Variants in FAM20C observed in about 807,000 individuals in gnomAD.
The protein encoded by FAM20C is extracellular serine/threonine protein kinase FAM20C.
In FAM20C, 40 loss-of-function variants were observed where a neutral mutation model predicts 51.5. The ratio of observed to expected loss-of-function variants is 0.78; its 90% CI spans 0.60 to 1.01. The LOEUF (loss-of-function observed/expected upper bound fraction) is 1.01, where lower values mean the gene tolerates loss of function less well. FAM20C is among the 50% of genes least tolerant of loss of function. The pLI is 0.00. For missense variants in FAM20C, 861 were observed against 844.7 expected, an observed-to-expected ratio of 1.02 and a Z score of -0.24; for synonymous variants, 406 against 380.6, an observed-to-expected ratio of 1.07 and a Z score of -0.78.
rs944479686 is a variant in FAM20C at position 234,782 on chromosome 7, G to C, written c.864-11633G>C. Among the ~76,000 whole-genome samples, 943 of 152,282 alleles carry C rather than the reference G, an allele frequency of 6.2e-3. 15 individuals are homozygous for C. Among genetic ancestry groups the C allele is most frequent in the African/African-American group, 0.021 (893 of 41,544 alleles). On this transcript the variant is annotated intron_variant, in intron 3 of 9. Coordinates refer to ENST00000313766, the MANE Select transcript of FAM20C (RefSeq NM_020223.4). ...CAGAGTCACGTGGAAGGTTTGGGAC[G>C]GACAGCCCCAGCCCAGGCCCTCCCT... is the stretch of plus-strand genomic sequence containing the variant.
rs150635519 is a variant in FAM20C at position 256,850 on chromosome 7, G to A, written c.1363+87G>A. On this transcript the variant is annotated intron_variant, in intron 7 of 9. Coordinates refer to ENST00000313766, the MANE Select transcript of FAM20C (RefSeq NM_020223.4). ...AGGGCTCTGCAGGGCACACTCCGTGGCACGGCCCGGCTGCGGTCCTGTGGC... is the reference window on the plus strand; with the variant it reads ...AGGGCTCTGCAGGGCACACTCCGTGACACGGCCCGGCTGCGGTCCTGTGGC... 1.5e-3 allele frequency: 2,115 copies of A among 1,440,810 alleles called. 18 individuals carry two copies. The African/African-American group carries it at 0.023, about 16-fold the overall frequency. 89.3% of individuals were successfully genotyped at this position (1,440,810 alleles called of 1,614,324 possible).
chr7:199,390 G>A (rs779659160), intron 2 of FAM20C, among the ~76,000 whole-genome samples: 8 of 152,248 alleles, frequency 5.3e-5, no homozygotes, highest in Non-Finnish European at 1.0e-4. Flanking sequence ...GCTCCACAGC[G>A]AGGGAAACCA....
chr7:215,275 TGG>T (rs1156618102), intron 3 of FAM20C, among the ~76,000 whole-genome samples: 390 of 37,372 alleles, frequency 0.01, 10 homozygotes, highest in African/African-American at 0.034. Flanking sequence ...TGGAGCTGGG[TGG>T]GGGGAGCAGG....
chr7:228,485 T>C (rs1304180406), intron 3 of FAM20C: 1 of 455,914 alleles, frequency 2.2e-6, no homozygotes, highest in Admixed American at 2.4e-5. Context: ...ACAAGCCAGG[T>C]CCGTGTCCCT....
At chr7:223,798 A>C (rs1430245028) in intron 3 of FAM20C, among the ~76,000 whole-genome samples, 1 of 152,222 alleles carries the variant, frequency 6.6e-6, no homozygotes, top group Non-Finnish European at 1.5e-5. Flanking sequence ...TAGTCAGAAG[A>C]AAAATGAACT....
intron 4 of FAM20C, among the ~76,000 whole-genome samples, chr7:247,828 G>T (rs960649700): frequency 6.6e-6 from 1 of 152,150 alleles, no homozygotes; most frequent in African/African-American, 2.4e-5. Flanking sequence ...CTTGGGTCCC[G>T]GGTCGGCCCT....
In FAM20C at chr7:249,744, A is replaced by G. The variant is rs554663618; in HGVS notation, c.1072+1314A>G. 2.6e-5 allele frequency among the ~76,000 whole-genome samples: 4 copies of G among 152,284 alleles called. No homozygotes were observed. The East Asian group carries it at 5.8e-4, about 22-fold the overall frequency. Reference sequence around the variant, plus strand: ...AACAGAGTGAGACCCTGTCTCAAAAAAAAAGAAAAGAAAAGAAACTGGCAT... The same window carrying G: ...AACAGAGTGAGACCCTGTCTCAAAAGAAAAGAAAAGAAAAGAAACTGGCAT... On this transcript the variant is annotated intron_variant, in intron 5 of 9. Coordinates refer to ENST00000313766, the MANE Select transcript of FAM20C (RefSeq NM_020223.4).
At chr7:246,649 ACCCCGAG>A (rs1583331072) in intron 4 of FAM20C, 142 bp downstream of exon 4, 2 of 535,628 alleles carry the variant, frequency 3.7e-6, no homozygotes, top group East Asian at 6.2e-5. Context: ...CTCTCCCCCC[ACCCCGAG>A]TGCTGCCCTG....
At chr7:202,598 G>C (rs1384045281) in intron 2 of FAM20C, among the ~76,000 whole-genome samples, 1 of 137,558 alleles carries the variant, frequency 7.3e-6, no homozygotes, top group African/African-American at 2.8e-5. Context: ...GGAATGGGGG[G>C]GCCCTATGGA....
At chr7:236,897 G>T (rs939463317) in intron 3 of FAM20C, among the ~76,000 whole-genome samples, 2 of 152,228 alleles carry the variant, frequency 1.3e-5, no homozygotes, top group Non-Finnish European at 2.9e-5. Context: ...ATCTGGATGC[G>T]TGGCCAGAGG....
intron 2 of FAM20C, among the ~76,000 whole-genome samples, chr7:204,920 G>A (rs1253995619): frequency 6.6e-6 from 1 of 152,266 alleles, no homozygotes; most frequent in Non-Finnish European, 1.5e-5. Flanking sequence ...CGGTGCTCGG[G>A]GAGGGGACGT....
Position 256,232 on chromosome 7 carries a change from C to G in FAM20C, c.1253+203C>G, listed in dbSNP as rs1046511183. 61 of 720,264 alleles carry G rather than the reference C, an allele frequency of 8.5e-5. No individual in the cohort carries two copies. The East Asian group carries it at 1.6e-3, about 18-fold the overall frequency. The allele number at this position is 720,264 out of a possible 1,614,324, so 44.6% of individuals were successfully genotyped here. A position where few individuals can be genotyped will look rare whatever the true frequency, so the allele number is the denominator to read the frequency against. On this transcript the variant is annotated intron_variant, in intron 6 of 9. Coordinates refer to ENST00000313766, the MANE Select transcript of FAM20C (RefSeq NM_020223.4). The stretch of plus-strand genomic sequence containing the variant: ...CTTACTCCAGTATTTCCATGTGCTT[C>G]CCTGACCCGGGCCGGCCTGCCCACC...
chr7:216,965 C>G (rs1787012453), intron 3 of FAM20C, among the ~76,000 whole-genome samples: 1 of 152,076 alleles, frequency 6.6e-6, no homozygotes, highest in Non-Finnish European at 1.5e-5. Context: ...GGAGCGGGGG[C>G]CCACCCTGAA....
At chr7:257,803 G>GGTGCTGGAGATGGGTGGGA (rs1331494263) in intron 8 of FAM20C, among the ~76,000 whole-genome samples, 1 of 127,106 alleles carries the variant, frequency 7.9e-6, no homozygotes, top group African/African-American at 3.0e-5. Flanking sequence ...GATGGGCTGG[G>GGTGCTGGAGATGGGTGGGA]TGGACCCACT....
chr7:226,946 G>A (rs960489045), intron 3 of FAM20C, among the ~76,000 whole-genome samples: 2 of 152,142 alleles, frequency 1.3e-5, no homozygotes, highest in Non-Finnish European at 2.9e-5. Flanking sequence ...TTACCGATGG[G>A]GAAGCTGAGG....
intron 2 of FAM20C, among the ~76,000 whole-genome samples, chr7:196,707 G>C (rs1187679350): frequency 6.6e-6 from 1 of 152,202 alleles, no homozygotes; most frequent in Non-Finnish European, 1.5e-5. Context: ...GCTGACACAG[G>C]ACTTAGGTGT....
intron 2 of FAM20C, among the ~76,000 whole-genome samples, chr7:208,375 G>T (rs926948988): frequency 1.4e-5 from 2 of 142,346 alleles, no homozygotes; most frequent in African/African-American, 5.0e-5. Flanking sequence ...GTGTGTAGGT[G>T]TGTATGGGTA....
chr7:228,241 T>G, intron 3 of FAM20C: 1 of 332,682 alleles, frequency 3.0e-6, no homozygotes, highest in South Asian at 2.4e-5. Flanking sequence ...AAAAGATAGG[T>G]CAGTAGGCGA....
intron 2 of FAM20C, among the ~76,000 whole-genome samples, chr7:201,092 C>T (rs778679291): frequency 5.9e-5 from 9 of 152,190 alleles, no homozygotes; most frequent in South Asian, 2.1e-4. Context: ...TGAGCTCTCC[C>T]GGTGTCACAT....
Sources: gnomAD v4.1 joint callset for allele counts (sites outside exome capture counted in the v4.1 genomes callset) on GRCh38, gnomAD v4.1.1 for gene constraint, MANE v1.5 for transcripts, NCBI Gene and HGNC (gene_info 2026-07-23, HGNC 2026-07-21) for gene names.